CASK: variants seen among roughly 807,000 people sequenced by gnomAD.
CASK encodes calcium/calmodulin dependent serine protein kinase, also known as peripheral plasma membrane protein CASK.
A neutral mutation model predicts 82.9 loss-of-function variants in CASK; 4 were observed. That is an observed-to-expected ratio of 0.05 (90% confidence interval 0.02 to 0.11). CASK has a LOEUF of 0.11. CASK is among the 10% of genes least tolerant of loss of function. The pLI is 1.00. For synonymous variants in CASK, 259 were observed against 253.5 expected (o/e 1.02, Z -0.20); for missense variants, 358 against 720.9 (o/e 0.50, Z 5.76).
At chrX:41,574,495 G>T (rs896692106) in intron 15 of CASK, among the ~76,000 whole-genome samples, 1 of 111,847 alleles carries the variant, frequency 8.9e-6, no homozygotes, top group African/African-American at 3.3e-5. Flanking sequence ...AGAAATGAAA[G>T]TTCTATAGTC....
rs771867651 is a variant in CASK at position 41,683,951 on chromosome X, G to A, written c.430-12421C>T. The stretch of plus-strand genomic sequence containing the variant: ...CCACTAGGTATGCCCGGTCAAAATA[G>A]CATTTTACTACTGGGTAAAGAATCC... On this transcript the variant is annotated intron_variant, in intron 5 of 26. Transcript: ENST00000378163. 4.5e-5 allele frequency among the ~76,000 whole-genome samples: 5 copies of A among 111,844 alleles called. No individual in the cohort carries two copies. The East Asian group carries it at 1.4e-3, about 31-fold the overall frequency.
chrX:41,650,458 G>T (rs866335577), intron 8 of CASK, among the ~76,000 whole-genome samples: 2 of 102,630 alleles, frequency 1.9e-5, no homozygotes, highest in Non-Finnish European at 4.0e-5. Flanking sequence ...GTTTTTTTTT[G>T]TTTTTTTTTG....
intron 25 of CASK, among the ~76,000 whole-genome samples, chrX:41,526,248 A>G (rs1473629571): frequency 9.0e-6 from 1 of 111,328 alleles, no homozygotes; most frequent in Non-Finnish European, 1.9e-5. Flanking sequence ...GGTCACACAC[A>G]TATACCCATC....
At chrX:41,624,645 T>C (rs926031423) in intron 10 of CASK, among the ~76,000 whole-genome samples, 1 of 111,915 alleles carries the variant, frequency 8.9e-6, no homozygotes, top group African/African-American at 3.2e-5. Flanking sequence ...CACCTCAAGA[T>C]CTTGTCATTT....
intron 3 of CASK, among the ~76,000 whole-genome samples, chrX:41,780,631 A>G (rs982661113): frequency 9.0e-6 from 1 of 111,679 alleles, no homozygotes; most frequent in Non-Finnish European, 1.9e-5. Flanking sequence ...GATTAAGTAG[A>G]TATCAACTAT....
At chrX:41,888,607 TGAG>T (rs1262757267) in intron 1 of CASK, among the ~76,000 whole-genome samples, 1 of 108,265 alleles carries the variant, frequency 9.2e-6, no homozygotes, top group African/African-American at 3.4e-5. Context: ...TTTTTATGGC[TGAG>T]TAGTATTCCA....
At chrX:41,712,851 C>A (rs1247379883) in intron 5 of CASK, among the ~76,000 whole-genome samples, 1 of 111,608 alleles carries the variant, frequency 9.0e-6, no homozygotes, top group Non-Finnish European at 1.9e-5. Flanking sequence ...GACCTGCCAA[C>A]CAGTTCTGTG....
chrX:41,677,130 A>T (rs933716668), intron 5 of CASK, among the ~76,000 whole-genome samples: 7 of 107,609 alleles, frequency 6.5e-5, no homozygotes, highest in Non-Finnish European at 1.3e-4. Context: ...AACATGGCAA[A>T]ACCCCATCTC....
intron 11 of CASK, among the ~76,000 whole-genome samples, chrX:41,617,176 G>A (rs1247397482): frequency 1.8e-5 from 2 of 112,448 alleles, no homozygotes. Context: ...GACAGGACCA[G>A]CAGATACTTT....
chrX:41,652,168 A>G (rs2066874426), intron 8 of CASK, among the ~76,000 whole-genome samples: 1 of 111,381 alleles, frequency 9.0e-6, no homozygotes, highest in South Asian at 3.8e-4. Flanking sequence ...ATGTGCCTGC[A>G]GTCTGAAGAA....
At chrX:41,585,025 A>G (rs1414257876) in intron 14 of CASK, 1 of 112,631 alleles carries the variant, frequency 8.9e-6, no homozygotes, top group Non-Finnish European at 1.9e-5. Context: ...GGACAAAGAA[A>G]AATTGCCCTG....
chrX:41,828,889 T>C (rs1032917994), intron 2 of CASK, among the ~76,000 whole-genome samples: 1 of 112,401 alleles, frequency 8.9e-6, no homozygotes, highest in African/African-American at 3.2e-5. Context: ...CATTTACTAC[T>C]GAGGAAGAGA....
At chrX:41,731,759 TA>T (rs1356174011) in intron 5 of CASK, among the ~76,000 whole-genome samples, 1 of 110,663 alleles carries the variant, frequency 9.0e-6, no homozygotes, top group Non-Finnish European at 1.9e-5. Flanking sequence ...GTAAATATTT[TA>T]CTTAAAATAT....
At chrX:41,783,516 G>A (rs1443175874) in intron 3 of CASK, among the ~76,000 whole-genome samples, 2 of 102,460 alleles carry the variant, frequency 2.0e-5, no homozygotes, top group African/African-American at 3.7e-5. Context: ...GCCGCTGCAC[G>A]CCAGCCTGGA....
chrX:41,656,762 C>T (rs942752137), intron 8 of CASK, among the ~76,000 whole-genome samples: 1 of 110,593 alleles, frequency 9.0e-6, no homozygotes, highest in African/African-American at 3.3e-5. Context: ...TATGACTATG[C>T]AATTCTTGAC....
chrX:41,749,179 C>T (rs2068744957), intron 3 of CASK, among the ~76,000 whole-genome samples: 1 of 107,827 alleles, frequency 9.3e-6, no homozygotes, highest in Non-Finnish European at 1.9e-5. Context: ...GTCCTAGCTA[C>T]TCTGAAGGCT....
chrX:41,794,677 C>T (rs1018450256), intron 2 of CASK, among the ~76,000 whole-genome samples: 3 of 112,124 alleles, frequency 2.7e-5, no homozygotes, highest in Admixed American at 1.9e-4. Context: ...ATACATTTGT[C>T]AAAACTCACT....
rs1209312297 is a variant in CASK at position 41,721,184 on chromosome X, G to A, written c.429+18200C>T. Reference sequence around the variant, plus strand: ...ATGGGCAAGATGAATGAGAACCAAAGAAAACTATTGGTGATTTGAATGAGA... The same window carrying A: ...ATGGGCAAGATGAATGAGAACCAAAAAAAACTATTGGTGATTTGAATGAGA... On this transcript the variant is annotated intron_variant, in intron 5 of 26. Coordinates refer to ENST00000378163, the MANE Select transcript of CASK (RefSeq NM_001367721.1). 2.7e-5 allele frequency among the ~76,000 whole-genome samples: 3 copies of A among 110,775 alleles called. No individual in the cohort carries two copies. In the Admixed American group the frequency reaches 2.9e-4, roughly 11 times the overall value.
At chrX:41,779,031 A>G (rs1402463919) in intron 3 of CASK, among the ~76,000 whole-genome samples, 1 of 111,927 alleles carries the variant, frequency 8.9e-6, no homozygotes, top group Non-Finnish European at 1.9e-5. Flanking sequence ...CTAAACTACT[A>G]TCTCATAAAA....
Sources: gnomAD v4.1 joint callset for allele counts (sites outside exome capture counted in the v4.1 genomes callset) on GRCh38, gnomAD v4.1.1 for gene constraint, MANE v1.5 for transcripts, NCBI Gene and HGNC (gene_info 2026-07-23, HGNC 2026-07-21) for gene names.